RPS3: variants seen among roughly 807,000 people sequenced by gnomAD.
RPS3 encodes ribosomal protein S3.
A neutral mutation model predicts 25.8 loss-of-function variants in RPS3; 2 were observed. The observed-to-expected ratio is 0.08, with a 90% CI of 0.03 to 0.24. RPS3 has a LOEUF of 0.24. Among genes scored for constraint, RPS3 ranks in the 10% least tolerant of loss-of-function variants. RPS3 has a pLI of 1.00. For missense variants in RPS3, 107 were observed against 307.1 expected, an observed-to-expected ratio of 0.35 and a Z score of 4.87; for synonymous variants, 114 against 114.2, an observed-to-expected ratio of 1.00 and a Z score of 0.01.
intron 4 of RPS3, chr11:75,403,783 G>A (rs1295272762): frequency 6.8e-6 from 3 of 440,852 alleles, no homozygotes; most frequent in East Asian, 3.7e-5. Context: ...CTTCTGAGGT[G>A]ATTCCAGTAT....
At chr11:75,402,111 G>C (rs1441199276) in intron 3 of RPS3, 1 of 576,222 alleles carries the variant, frequency 1.7e-6, no homozygotes, top group African/African-American at 1.9e-5. Flanking sequence ...CGATCTTTTG[G>C]CCTCCGTAGG....
At chr11:75,420,847 G>A (rs1338543119) in intron 6 of RPS3, among the ~76,000 whole-genome samples, 1 of 152,006 alleles carries the variant, frequency 6.6e-6, no homozygotes, top group Non-Finnish European at 1.5e-5. Context: ...GGCAACTCGG[G>A]TTGAGGTTAT....
chr11:75,402,234 C>A, intron 3 of RPS3, 118 bp from the exon 4 acceptor site: 1 of 1,498,354 alleles, frequency 6.7e-7, no homozygotes, highest in Non-Finnish European at 9.2e-7. Flanking sequence ...CAGCATGCGG[C>A]CCGTGGGTTG....
intron 6 of RPS3, among the ~76,000 whole-genome samples, chr11:75,421,405 G>A (rs897871560): frequency 8.5e-5 from 13 of 152,108 alleles, no homozygotes; most frequent in Non-Finnish European, 1.6e-4. Flanking sequence ...GGCCTGGCCA[G>A]CTCCTCCAGG....
chr11:75,407,481 T>G (rs904483552), downstream of RPS3, among the ~76,000 whole-genome samples: 1 of 152,120 alleles, frequency 6.6e-6, no homozygotes, highest in East Asian at 1.9e-4. Context: ...TTTATTATTT[T>G]TATTTTTTGA....
chr11:75,400,511 A>G (rs1565162745), intron 1 of RPS3, 183 bp from the exon 2 acceptor site: 1 of 847,610 alleles, frequency 1.2e-6, no homozygotes, highest in African/African-American at 1.7e-5. Flanking sequence ...TTTCCTAAAG[A>G]TGACTTAGAG....
rs1230305698 is a variant in RPS3, at chr11:75,402,391, A to T, written c.295A>T (p.Ile99Phe). 6.2e-7 allele frequency: 1 copy of T among 1,613,988 alleles called. No individual in the cohort carries two copies. The highest frequency in any genetic ancestry group is 2.2e-5 in the East Asian group (1 of 44,874). The stretch of plus-strand genomic sequence containing the variant: ...GGTGGCCACTAGAGGTCTGTGTGCC[A>T]TTGCCCAGGCAGAGTCTCTGCGTTA... ...EKVATRGLCA[I>F]AQAESLRYKL... Residue 99 changes from isoleucine (I) to phenylalanine (F), a missense_variant, in exon 4 of 7, where the codon ATT becomes TTT. Ile to Phe is a conservative substitution (Grantham distance 21, BLOSUM62 0). This residue lies in a region of RPS3 where 81 missense variants were observed against 286.8 expected (regional missense o/e 0.28). Coordinates refer to ENST00000531188, the MANE Select transcript of RPS3 (RefSeq NM_001005.5).
At chr11:75,399,927 G>C (rs572780799) in intron 1 of RPS3, 7 of 388,744 alleles carry the variant, frequency 1.8e-5, no homozygotes, top group African/African-American at 1.3e-4. Context: ...GGAAGAGAAG[G>C]CAGCAGTGTA....
chr11:75,406,206 A>G lies in RPS3; in HGVS notation c.*596A>G, dbSNP rs553523072. Reference sequence around the variant, plus strand: ...GAACCAGTCATTGGTACTACAGGCTATTATGTTCTGGAGAACTGTGAAGAA... The same window carrying G: ...GAACCAGTCATTGGTACTACAGGCTGTTATGTTCTGGAGAACTGTGAAGAA... On this transcript the variant is annotated 3_prime_UTR_variant, in exon 7 of 7. Coordinates refer to ENST00000531188, the MANE Select transcript of RPS3 (RefSeq NM_001005.5). 1.3e-5 allele frequency: 2 copies of G among 152,388 alleles called. No individual in the cohort carries two copies. Among genetic ancestry groups the G allele is most frequent in the South Asian group, 2.1e-4 (1 of 4,836 alleles). 9.4% of individuals were successfully genotyped at this position (152,388 alleles called of 1,614,324 possible). A position where few individuals can be genotyped will look rare whatever the true frequency, so the allele number is the denominator to read the frequency against.
chr11:75,402,213 C>T (rs888693378), intron 3 of RPS3, 139 bp from the exon 4 acceptor site: 16 of 1,269,160 alleles, frequency 1.3e-5, no homozygotes, highest in Non-Finnish European at 1.6e-5. Flanking sequence ...CAATCAAAGC[C>T]ATCTCCTGGG....
intron 4 of RPS3, chr11:75,403,418 A>G (rs1948239518): frequency 6.6e-6 from 1 of 152,312 alleles, no homozygotes; most frequent in Admixed American, 6.5e-5. Flanking sequence ...TAAGTAAGAT[A>G]ATGTGAAAGG....
At chr11:75,400,633 C>T in intron 1 of RPS3, 61 bp from the exon 2 acceptor site, 2 of 1,595,464 alleles carry the variant, frequency 1.3e-6, no homozygotes, top group Non-Finnish European at 1.7e-6. Context: ...ACTAGACTGG[C>T]TCAGGCGAAA....
intron 4 of RPS3, 124 bp from the exon 5 acceptor site, chr11:75,403,896 G>T (rs1024224938): frequency 4.9e-5 from 41 of 845,062 alleles, no homozygotes; most frequent in Admixed American, 2.8e-4. Flanking sequence ...GTATTCTTGG[G>T]GCCGGACTCT....
downstream of RPS3, chr11:75,407,052 G>T (rs1948296715): frequency 6.6e-6 from 1 of 152,186 alleles, no homozygotes; most frequent in Non-Finnish European, 1.5e-5. Flanking sequence ...TATTCTCATT[G>T]TGCATCAATC....
At chr11:75,417,802 A>G (rs1436745155) in intron 6 of RPS3, among the ~76,000 whole-genome samples, 3 of 152,100 alleles carry the variant, frequency 2.0e-5, no homozygotes, top group Admixed American at 2.0e-4. Flanking sequence ...GTCCCAGGGG[A>G]CTGAACTGCT....
chr11:75,411,508 G>T (rs1948355909), downstream of RPS3, among the ~76,000 whole-genome samples: 1 of 152,024 alleles, frequency 6.6e-6, no homozygotes, highest in African/African-American at 2.4e-5. Context: ...TCCTGCCTCA[G>T]CCTCCCGAGT....
At chr11:75,408,757 G>A (rs1948312084), downstream of RPS3, among the ~76,000 whole-genome samples, 1 of 152,148 alleles carries the variant, frequency 6.6e-6, no homozygotes, top group African/African-American at 2.4e-5. Context: ...TGTTGGCCAG[G>A]CTGGTCTCGA....
rs373250720 is a variant in RPS3, at chr11:75,405,952, C to T, written c.*342C>T. ...GTTTGAGTTTTTCCTATGCATAAGG[C>T]GATCCACGTTGCACATAGAAAGTGA... On this transcript the variant is annotated 3_prime_UTR_variant, in exon 7 of 7. Coordinates refer to ENST00000531188, the MANE Select transcript of RPS3 (RefSeq NM_001005.5). 3.1e-5 allele frequency: 6 copies of T among 191,822 alleles called. No individual in the cohort carries two copies. In the East Asian group the frequency reaches 5.5e-4, roughly 17 times the overall value. 11.9% of individuals were successfully genotyped at this position (191,822 alleles called of 1,614,324 possible).
At chr11:75,422,273 T>A (rs1948454094) in exon 7 of RPS3, 1 of 256,322 alleles carries the variant, frequency 3.9e-6, no homozygotes, top group Admixed American at 5.0e-5. Flanking sequence ...CCTTCAGAAC[T>A]GTGAGAAATA....
Sources: gnomAD v4.1 joint callset for allele counts (sites outside exome capture counted in the v4.1 genomes callset) on GRCh38, gnomAD v4.1.1 for gene constraint, gnomAD v4.1.1 regional missense constraint, MANE v1.5 for transcripts, NCBI Gene and HGNC (gene_info 2026-07-23, HGNC 2026-07-21) for gene names.